TMEM132D: variants seen among roughly 807,000 people sequenced by gnomAD.
TMEM132D encodes mature OL transmembrane protein.
A neutral mutation model predicts 62.3 loss-of-function variants in TMEM132D; 21 were observed. The ratio of observed to expected loss-of-function variants is 0.34; its 90% confidence interval spans 0.24 to 0.49. The LOEUF (loss-of-function observed/expected upper bound fraction) is 0.49, where lower values mean the gene tolerates loss of function less well. Ranked by LOEUF, TMEM132D falls within the 20% of genes least tolerant of loss-of-function variation. The pLI is 0.99. For synonymous variants in TMEM132D, 621 were observed against 575.6 expected (o/e 1.08, Z -1.13); for missense variants, 1,346 against 1,402.8 (o/e 0.96, Z 0.65).
chr12:129,434,659 GTTTTTTT>G (rs72491572), intron 3 of TMEM132D, among the ~76,000 whole-genome samples: 1 of 146,984 alleles, frequency 6.8e-6, no homozygotes, highest in East Asian at 2.0e-4. Flanking sequence ...TAAAGTTGTA[GTTTTTTT>G]TTTTTAACTG....
intron 3 of TMEM132D, among the ~76,000 whole-genome samples, chr12:129,464,045 G>T (rs1193726760): frequency 6.6e-6 from 1 of 150,570 alleles, no homozygotes; most frequent in Non-Finnish European, 1.5e-5. Flanking sequence ...TTGAGGAATC[G>T]CCACACTGAC....
intron 3 of TMEM132D, among the ~76,000 whole-genome samples, chr12:129,455,926 T>A (rs866303619): frequency 6.6e-6 from 1 of 152,092 alleles, no homozygotes; most frequent in Admixed American, 6.5e-5. Context: ...ACTCTCTATG[T>A]GAAGAATAGA....
intron 4 of TMEM132D, among the ~76,000 whole-genome samples, chr12:129,272,620 T>C (rs1880884387): frequency 6.6e-6 from 1 of 151,678 alleles, no homozygotes; most frequent in African/African-American, 2.4e-5. Flanking sequence ...TCATGTCTTC[T>C]GCCTGCTTAT....
intron 2 of TMEM132D, among the ~76,000 whole-genome samples, chr12:129,679,377 C>T (rs1026025470): frequency 6.6e-6 from 1 of 152,036 alleles, no homozygotes; most frequent in African/African-American, 2.4e-5. Context: ...GATACCCCTT[C>T]AATCTATAGA....
At chr12:129,297,474 G>T (rs1172446032) in intron 4 of TMEM132D, among the ~76,000 whole-genome samples, 3 of 152,202 alleles carry the variant, frequency 2.0e-5, no homozygotes, top group Non-Finnish European at 4.4e-5. Context: ...AAGCAGGTCT[G>T]CAGAAGGGCA....
chr12:129,407,711 C>T (rs1871834775), intron 3 of TMEM132D, among the ~76,000 whole-genome samples: 1 of 151,788 alleles, frequency 6.6e-6, no homozygotes, highest in Non-Finnish European at 1.5e-5. Flanking sequence ...TCGAGACCAT[C>T]CTGGCTAACA....
intron 4 of TMEM132D, among the ~76,000 whole-genome samples, chr12:129,333,539 A>G (rs1000068090): frequency 3.9e-5 from 6 of 152,148 alleles, no homozygotes; most frequent in African/African-American, 1.4e-4. Flanking sequence ...CCTATATCCA[A>G]TGCATTGGGA....
chr12:129,596,129 T>C (rs1565916945), intron 2 of TMEM132D, among the ~76,000 whole-genome samples: 1 of 152,058 alleles, frequency 6.6e-6, no homozygotes, highest in Non-Finnish European at 1.5e-5. Context: ...AGGAGACAAA[T>C]TGGGTATGGT....
intron 4 of TMEM132D, among the ~76,000 whole-genome samples, chr12:129,240,325 A>G (rs1813356668): frequency 6.6e-6 from 1 of 152,182 alleles, no homozygotes; most frequent in Non-Finnish European, 1.5e-5. Context: ...TTGTTCAATG[A>G]TAGTCTTCAG....
intron 1 of TMEM132D, among the ~76,000 whole-genome samples, chr12:129,767,294 C>T (rs1870583453): frequency 6.6e-6 from 1 of 152,146 alleles, no homozygotes; most frequent in Non-Finnish European, 1.5e-5. Context: ...AACATGCATG[C>T]TTTTCTCCAG....
intron 3 of TMEM132D, among the ~76,000 whole-genome samples, chr12:129,493,375 T>C (rs1874858041): frequency 6.6e-6 from 1 of 152,212 alleles, no homozygotes; most frequent in Non-Finnish European, 1.5e-5. Context: ...CTAAGTGATT[T>C]ACGTGGTTAG....
chr12:129,660,345 C>G, intron 2 of TMEM132D, among the ~76,000 whole-genome samples: 1 of 152,092 alleles, frequency 6.6e-6, no homozygotes, highest in Non-Finnish European at 1.5e-5. Flanking sequence ...CGTCATGATG[C>G]AGCGTTCTTA....
chr12:129,791,163 G>T (rs756220673), intron 1 of TMEM132D, among the ~76,000 whole-genome samples: 1 of 152,190 alleles, frequency 6.6e-6, no homozygotes, highest in Non-Finnish European at 1.5e-5. Flanking sequence ...ATCAAATTAG[G>T]AGTGTCTGGT....
intron 3 of TMEM132D, among the ~76,000 whole-genome samples, chr12:129,415,868 G>T (rs1401685410): frequency 1.3e-5 from 2 of 152,088 alleles, no homozygotes; most frequent in Non-Finnish European, 2.9e-5. Context: ...CCAGAGCCTG[G>T]TTCTCCTTTG....
chr12:129,490,927 C>T (rs1345583844), intron 3 of TMEM132D, among the ~76,000 whole-genome samples: 4 of 152,070 alleles, frequency 2.6e-5, no homozygotes, highest in Non-Finnish European at 4.4e-5. Flanking sequence ...TTCCTGCCTA[C>T]CCCCTACTCT....
intron 5 of TMEM132D, among the ~76,000 whole-genome samples, chr12:129,205,869 C>A (rs1051992279): frequency 6.6e-6 from 1 of 152,016 alleles, no homozygotes; most frequent in African/African-American, 2.4e-5. Context: ...AAGAAAATCA[C>A]TCAAAATCAT....
chr12:129,082,365 G>T (rs1192391694), intron 6 of TMEM132D, among the ~76,000 whole-genome samples: 1 of 152,196 alleles, frequency 6.6e-6, no homozygotes, highest in Non-Finnish European at 1.5e-5. Context: ...TGGCAAAAGT[G>T]ATTGGATGGT....
At chr12:129,429,468 G>A (rs1872591184) in intron 3 of TMEM132D, among the ~76,000 whole-genome samples, 1 of 152,120 alleles carries the variant, frequency 6.6e-6, no homozygotes, top group Non-Finnish European at 1.5e-5. Flanking sequence ...GCCCCCCCAG[G>A]GAGCTGGTGC....
intron 4 of TMEM132D, among the ~76,000 whole-genome samples, chr12:129,294,814 G>GTACT (rs1473723689): frequency 6.6e-6 from 1 of 152,164 alleles, no homozygotes; most frequent in African/African-American, 2.4e-5. Context: ...AAATGATAAT[G>GTACT]TACTTTCCAT....
Sources: gnomAD v4.1 joint callset for allele counts (sites outside exome capture counted in the v4.1 genomes callset) on GRCh38, gnomAD v4.1.1 for gene constraint, MANE v1.5 for transcripts, NCBI Gene and HGNC (gene_info 2026-07-23, HGNC 2026-07-21) for gene names.